PTBP3: variants seen among roughly 807,000 people sequenced by gnomAD.
PTBP3 encodes the protein polypyrimidine tract binding protein 3, also known as polypyrimidine tract-binding protein 3.
Under a neutral mutation model 58.7 loss-of-function variants are expected in PTBP3, and 20 were observed. The observed-to-expected ratio is 0.34, with a 90% CI of 0.24 to 0.50. The LOEUF (loss-of-function observed/expected upper bound fraction) is 0.50, where lower values mean the gene tolerates loss of function less well. PTBP3 is among the 20% of genes least tolerant of loss of function. The pLI is 0.98. For synonymous variants in PTBP3, 185 were observed against 219.8 expected (o/e 0.84, Z 1.40); for missense variants, 509 against 637.2 (o/e 0.80, Z 2.17).
chr9:112,226,001 A>G (rs1402437958), intron 12 of PTBP3, among the ~76,000 whole-genome samples: 1 of 152,130 alleles, frequency 6.6e-6, no homozygotes, highest in Non-Finnish European at 1.5e-5. Context: ...CTGAGATCAC[A>G]CCACTGCACT....
intron 1 of PTBP3, among the ~76,000 whole-genome samples, chr9:112,320,428 A>C (rs558860820): frequency 6.6e-6 from 1 of 151,024 alleles, no homozygotes; most frequent in African/African-American, 2.4e-5. Flanking sequence ...TATCATGAAT[A>C]TATACAATTT....
chr9:112,255,682 A>C (rs979564523), intron 5 of PTBP3, among the ~76,000 whole-genome samples: 1 of 152,110 alleles, frequency 6.6e-6, no homozygotes, highest in Non-Finnish European at 1.5e-5. Flanking sequence ...TTATCTCTCA[A>C]ACCTCACTTC....
intron 7 of PTBP3, among the ~76,000 whole-genome samples, chr9:112,243,466 C>T (rs1166226956): frequency 3.3e-5 from 5 of 151,798 alleles, no homozygotes; most frequent in Admixed American, 2.0e-4. Flanking sequence ...TGCTTGAACC[C>T]GGGAGGCAGA....
chr9:112,262,315 T>TGA, intron 5 of PTBP3, 120 bp downstream of exon 5: 1 of 849,418 alleles, frequency 1.2e-6, no homozygotes, highest in Middle Eastern at 3.9e-4. Flanking sequence ...GAAGTTTTTT[T>TGA]CATTATTTAA....
At chr9:112,235,294 A>T (rs1465818656) in intron 7 of PTBP3, among the ~76,000 whole-genome samples, 1 of 152,316 alleles carries the variant, frequency 6.6e-6, no homozygotes, top group South Asian at 2.1e-4. Flanking sequence ...AACTAAAAGT[A>T]CGAATTATAG....
chr9:112,342,629 T>C, the PTBP3 span, among the ~76,000 whole-genome samples: 2 of 151,912 alleles, frequency 1.3e-5, no homozygotes, highest in African/African-American at 4.8e-5. Flanking sequence ...GGCAGAAGAA[T>C]CACTTGAACC....
chr9:112,289,456 C>T (rs1828280637), intron 2 of PTBP3, among the ~76,000 whole-genome samples: 1 of 151,872 alleles, frequency 6.6e-6, no homozygotes, highest in African/African-American at 2.4e-5. Context: ...CAAACAAGCA[C>T]ATTAACAGTT....
intron 4 of PTBP3, 22 bp downstream of exon 4, chr9:112,268,027 T>A (rs763755402): frequency 1.8e-5 from 28 of 1,590,984 alleles, no homozygotes; most frequent in South Asian, 9.1e-5. Context: ...TACCTATTTT[T>A]AAAAACATCT....
intron 1 of PTBP3, among the ~76,000 whole-genome samples, chr9:112,314,418 G>T (rs890279255): frequency 3.9e-5 from 6 of 152,184 alleles, no homozygotes; most frequent in Admixed American, 2.6e-4. Flanking sequence ...CAGAACAGCT[G>T]GGTGCAGTAG....
chr9:112,357,440 T>A, the PTBP3 span, among the ~76,000 whole-genome samples: 3 of 152,066 alleles, frequency 2.0e-5, no homozygotes, highest in African/African-American at 7.2e-5. Context: ...AGCCTCGACC[T>A]TCCTGGGCTC....
the PTBP3 span, among the ~76,000 whole-genome samples, chr9:112,356,581 C>CAA: frequency 0.71 from 102,842 of 145,864 alleles, 36,630 homozygotes; most frequent in Admixed American, 0.8. Flanking sequence ...AGCAACAGAG[C>CAA]AAAAAAAAAA....
chr9:112,221,141 T>C lies in PTBP3; in HGVS notation c.*2710A>G. 1.0e-6 allele frequency: 1 copy of C among 985,734 alleles called. No homozygotes were observed. Among genetic ancestry groups the C allele is most frequent in the Non-Finnish European group, 1.2e-6 (1 of 829,916 alleles). 61.1% of individuals were successfully genotyped at this position (985,734 alleles called of 1,614,324 possible). A position where few individuals can be genotyped will look rare whatever the true frequency, so the allele number is the denominator to read the frequency against. On this transcript the variant is annotated 3_prime_UTR_variant, in exon 14 of 14. Transcript: ENST00000374257. ...ACTGATGGTTTCAAACATGCTATTTTAAAACAAGAACATCCCACATCTCCA... is the reference window on the plus strand; with the variant it reads ...ACTGATGGTTTCAAACATGCTATTTCAAAACAAGAACATCCCACATCTCCA...
chr9:112,223,949 A>C lies in PTBP3; in HGVS notation c.1477T>G (p.Ser493Ala), dbSNP rs982605214. Residue 493 changes from serine to alanine, a missense_variant, in exon 14 of 14, where the codon TCT (serine) becomes GCT (alanine). Ser to Ala is a moderately conservative substitution (Grantham distance 99, BLOSUM62 1). Coordinates refer to ENST00000374257, the MANE Select transcript of PTBP3 (RefSeq NM_001163788.4). ...DRKMALIQLG[S>A]VEEAIQALIE... ...AGGGCCTGAATTGCTTCTTCCACAG[A>C]TCCCAATTGAATGAGCGCCATTTTG... 1.2e-5 allele frequency: 20 copies of C among 1,613,338 alleles called. No homozygotes were observed. The highest frequency in any genetic ancestry group is 1.6e-5 in the Non-Finnish European group (19 of 1,179,692).
chr9:112,372,663 T>C, the PTBP3 span, among the ~76,000 whole-genome samples: 2 of 152,190 alleles, frequency 1.3e-5, no homozygotes, highest in African/African-American at 2.4e-5. Flanking sequence ...AATCATAAAA[T>C]AGGTGACCTT....
At chr9:112,269,804 TG>T (rs1185695196) in intron 3 of PTBP3, among the ~76,000 whole-genome samples, 1 of 152,220 alleles carries the variant, frequency 6.6e-6, no homozygotes, top group East Asian at 1.9e-4. Flanking sequence ...TTTCTTCAGA[TG>T]GTATAAATCT....
rs148860557 is a variant in PTBP3 at position 112,251,799 on chromosome 9, C to CAT, written c.628-698_628-697dup. ...GAAAGCAAATCACATAAAAATAAAA[C>CAT]ATATATATATATATCCTGATTTATA... On this transcript the variant is annotated intron_variant, in intron 6 of 13. Transcript: ENST00000374257. 3.9e-3 allele frequency among the ~76,000 whole-genome samples: 590 copies of CAT among 151,008 alleles called. 2 individuals are homozygous for CAT. Among genetic ancestry groups the CAT allele is most frequent in the South Asian group, 0.016 (75 of 4,776 alleles).
chr9:112,376,156 G>T, the PTBP3 span, among the ~76,000 whole-genome samples: 4 of 116,798 alleles, frequency 3.4e-5, no homozygotes, highest in East Asian at 2.5e-4. Context: ...TTCTCTAGAG[G>T]ATATATATAT....
At chr9:112,218,056 C>T (rs1834681676), downstream of PTBP3, 1 of 152,176 alleles carries the variant, frequency 6.6e-6, no homozygotes, top group African/African-American at 2.4e-5. Context: ...CTGAACAAAA[C>T]TGGAAATAGT....
At chr9:112,275,136 T>C (rs1264825361) in intron 3 of PTBP3, among the ~76,000 whole-genome samples, 1 of 43,120 alleles carries the variant, frequency 2.3e-5, no homozygotes. Context: ...TACTATACTT[T>C]TTATTTTTTT....
Sources: gnomAD v4.1 joint callset for allele counts (sites outside exome capture counted in the v4.1 genomes callset) on GRCh38, gnomAD v4.1.1 for gene constraint, MANE v1.5 for transcripts, NCBI Gene and HGNC (gene_info 2026-07-23, HGNC 2026-07-21) for gene names.